GALNTL6: variants seen among roughly 807,000 people sequenced by gnomAD.
The protein encoded by GALNTL6 is polypeptide N-acetylgalactosaminyltransferase like 6.
A neutral mutation model predicts 73.7 loss-of-function variants in GALNTL6; 46 were observed. The observed-to-expected ratio is 0.62, with a 90% CI of 0.49 to 0.80. The LOEUF (loss-of-function observed/expected upper bound fraction) is 0.80, where lower values mean the gene tolerates loss of function less well. Ranked by LOEUF, GALNTL6 falls within the 30% of genes least tolerant of loss-of-function variation. The pLI is 0.00. For synonymous variants in GALNTL6, 259 were observed against 263.7 expected, an observed-to-expected ratio of 0.98 and a Z score of 0.17; for missense variants, 604 against 755.0, an observed-to-expected ratio of 0.80 and a Z score of 2.34.
At chr4:172,206,262 C>T (rs1736106439) in intron 2 of GALNTL6, among the ~76,000 whole-genome samples, 1 of 151,908 alleles carries the variant, frequency 6.6e-6, no homozygotes, top group Non-Finnish European at 1.5e-5. Flanking sequence ...AGCTCATCAA[C>T]AATGATGATC....
chr4:172,801,811 C>G (rs1188569393), intron 5 of GALNTL6, among the ~76,000 whole-genome samples: 2 of 152,138 alleles, frequency 1.3e-5, no homozygotes, highest in Non-Finnish European at 2.9e-5. Flanking sequence ...TGCAGGTCCC[C>G]TTATGCATGG....
intron 2 of GALNTL6, among the ~76,000 whole-genome samples, chr4:171,989,004 A>G (rs1740226892): frequency 6.6e-6 from 1 of 152,024 alleles, no homozygotes; most frequent in Non-Finnish European, 1.5e-5. Context: ...GTCTCGGCCT[A>G]ATAAGGGAAC....
intron 5 of GALNTL6, among the ~76,000 whole-genome samples, chr4:172,753,848 C>CA (rs986810155): frequency 5.0e-4 from 74 of 148,656 alleles, no homozygotes; most frequent in Middle Eastern, 3.4e-3. Context: ...TTGCTTGGTT[C>CA]AAAAAAAAAA....
At chr4:172,646,146 A>C (rs77934282) in intron 5 of GALNTL6, among the ~76,000 whole-genome samples, 8,647 of 152,080 alleles carry the variant, frequency 0.057, 368 homozygotes, top group Middle Eastern at 0.14. Flanking sequence ...TATGCTATCC[A>C]ACTTTGTTCT....
chr4:171,908,989 T>A (rs544839968), intron 2 of GALNTL6, among the ~76,000 whole-genome samples: 1 of 96,376 alleles, frequency 1.0e-5, no homozygotes, highest in African/African-American at 3.9e-5. Context: ...CTCTGGGGAC[T>A]GTTGTGGGGT....
At chr4:172,319,650 T>A (rs1015084048) in intron 4 of GALNTL6, among the ~76,000 whole-genome samples, 18 of 152,206 alleles carry the variant, frequency 1.2e-4, no homozygotes, top group African/African-American at 3.9e-4. Flanking sequence ...AATGTGCTCT[T>A]ACCTGAAGCA....
intron 5 of GALNTL6, among the ~76,000 whole-genome samples, chr4:172,383,941 C>T (rs1289144565): frequency 6.6e-6 from 1 of 152,098 alleles, no homozygotes; most frequent in African/African-American, 2.4e-5. Context: ...ATCAACCTTG[C>T]ATTCCTAGTG....
At chr4:172,001,390 A>G (rs1324709555) in intron 2 of GALNTL6, among the ~76,000 whole-genome samples, 1 of 152,140 alleles carries the variant, frequency 6.6e-6, no homozygotes, top group African/African-American at 2.4e-5. Flanking sequence ...TTTATAATTT[A>G]CATTTGATTC....
At chr4:172,055,639 GGGAAAACC>G (rs1730999504) in intron 2 of GALNTL6, among the ~76,000 whole-genome samples, 2 of 152,082 alleles carry the variant, frequency 1.3e-5, no homozygotes, top group African/African-American at 4.8e-5. Context: ...CATTGCAAAT[GGGAAAACC>G]TGCTAGGCTT....
chr4:172,599,553 A>G (rs369223014), intron 5 of GALNTL6, among the ~76,000 whole-genome samples: 2 of 152,158 alleles, frequency 1.3e-5, no homozygotes, highest in East Asian at 3.9e-4. Flanking sequence ...TTAACGATTT[A>G]AAGGTATGGC....
chr4:172,821,084 G>A (rs780629452), intron 7 of GALNTL6, among the ~76,000 whole-genome samples: 1 of 152,150 alleles, frequency 6.6e-6, no homozygotes, highest in African/African-American at 2.4e-5. Flanking sequence ...TATGTAATAC[G>A]AAAACTAACA....
chr4:172,308,791 G>A (rs1185828792), intron 3 of GALNTL6, among the ~76,000 whole-genome samples: 1 of 152,108 alleles, frequency 6.6e-6, no homozygotes, highest in Admixed American at 6.6e-5. Flanking sequence ...ATTTCCGCAC[G>A]TTATATGGCT....
chr4:172,104,479 G>A (rs1190945925), intron 2 of GALNTL6, among the ~76,000 whole-genome samples: 1 of 152,038 alleles, frequency 6.6e-6, no homozygotes, highest in East Asian at 1.9e-4. Context: ...TTGGAGGCTA[G>A]GAAACAAAAG....
intron 5 of GALNTL6, among the ~76,000 whole-genome samples, chr4:172,374,076 C>T (rs1389764453): frequency 1.3e-5 from 2 of 152,164 alleles, no homozygotes; most frequent in South Asian, 4.1e-4. Context: ...GAGCAGTGCA[C>T]CTTCCAGTGA....
At chr4:172,648,353 G>A (rs1740332816) in intron 5 of GALNTL6, among the ~76,000 whole-genome samples, 1 of 152,088 alleles carries the variant, frequency 6.6e-6, no homozygotes, top group Non-Finnish European at 1.5e-5. Context: ...TGCTTGTTAG[G>A]ATGTCCAAAA....
At chr4:172,805,211 G>C (rs1740883686) in intron 5 of GALNTL6, among the ~76,000 whole-genome samples, 1 of 152,146 alleles carries the variant, frequency 6.6e-6, no homozygotes, top group African/African-American at 2.4e-5. Flanking sequence ...TGACTCTTCT[G>C]ACTATGCAAA....
intron 5 of GALNTL6, among the ~76,000 whole-genome samples, chr4:172,575,700 T>C (rs1393094290): frequency 6.6e-6 from 1 of 152,218 alleles, no homozygotes; most frequent in African/African-American, 2.4e-5. Context: ...TTTTGACTTG[T>C]TATTTAAATT....
chr4:172,145,149 ATTATTT>A (rs927782920), intron 2 of GALNTL6, among the ~76,000 whole-genome samples: 3 of 151,414 alleles, frequency 2.0e-5, no homozygotes, highest in African/African-American at 7.3e-5. Flanking sequence ...TATCATTATT[ATTATTT>A]TTGAGATGGA....
At chr4:172,523,832 G>T (rs1222857735) in intron 5 of GALNTL6, among the ~76,000 whole-genome samples, 1 of 151,872 alleles carries the variant, frequency 6.6e-6, no homozygotes, top group Non-Finnish European at 1.5e-5. Flanking sequence ...TAAAAAAATT[G>T]TCATTGCAAT....
Sources: gnomAD v4.1 joint callset for allele counts (sites outside exome capture counted in the v4.1 genomes callset) on GRCh38, gnomAD v4.1.1 for gene constraint, MANE v1.5 for transcripts, NCBI Gene and HGNC (gene_info 2026-07-23, HGNC 2026-07-21) for gene names.